Variants in FBF1 observed in about 807,000 individuals in gnomAD.
The protein encoded by FBF1 is Fas binding factor 1.
In FBF1, 119 loss-of-function variants were observed where a neutral mutation model predicts 147.2. The observed-to-expected ratio is 0.81, with a 90% CI of 0.70 to 0.94. The LOEUF is 0.94. Among genes scored for constraint, FBF1 ranks in the 40% least tolerant of loss-of-function variants. The pLI, the probability that FBF1 is intolerant of heterozygous loss-of-function variation, is 0.00. For synonymous variants in FBF1, 601 were observed against 609.0 expected, an observed-to-expected ratio of 0.99 and a Z score of 0.19; for missense variants, 1,449 against 1,500.8, an observed-to-expected ratio of 0.97 and a Z score of 0.57.
Position 75,910,673 on chromosome 17 carries a change from G to A in FBF1, c.*50C>T, listed in dbSNP as rs540147243. On this transcript the variant is annotated 3_prime_UTR_variant, in exon 30 of 30. Transcript: ENST00000636174. This position sits in a 1 kb window ranked among gnomAD's most constrained non-coding sequence, Gnocchi z 4.1. ...TCCATGGAGGCAGCCGGAGGAACAG[G>A]ACAGTTCTGGGGTCCGAACCCTCTG... 8.2e-5 allele frequency: 126 copies of A among 1,530,666 alleles called. No individual in the cohort carries two copies. In the African/African-American group the frequency reaches 1.6e-3, roughly 19 times the overall value. The allele number at this position is 1,530,666 out of a possible 1,614,324, so 94.8% of individuals were successfully genotyped here. A position where few individuals can be genotyped will look rare whatever the true frequency, so the allele number is the denominator to read the frequency against.
chr17:75,927,316 C>A (rs187562959), intron 9 of FBF1, 139 bp downstream of exon 9: 2 of 689,364 alleles, frequency 2.9e-6, no homozygotes, highest in Non-Finnish European at 5.0e-6. Context: ...TAGCTGGTCC[C>A]GACATGAATT....
chr17:75,940,316 C>A (rs2065655078), intron 1 of FBF1, among the ~76,000 whole-genome samples: 1 of 151,654 alleles, frequency 6.6e-6, no homozygotes, highest in South Asian at 2.1e-4. Context: ...GATCACAGCT[C>A]TCATAGCTTA....
chr17:75,926,358 C>A lies in FBF1; in HGVS notation c.664G>T (p.Gly222Trp). The part of the protein sequence containing the change: ...RKKEELLFDD[G>W]DDIMATLGFG... ...CCCAAGGTGGCCATGATGTCATCCC[C>A]ATCATCAAACAACAATTCTTCTTTT... is the stretch of plus-strand genomic sequence containing the variant. Residue 222 changes from glycine to tryptophan, a missense_variant, in exon 11 of 30, where the codon GGG becomes TGG. Physicochemically the swap from Gly to Trp is radical, Grantham distance 184. Transcript: ENST00000636174. The A allele has an allele frequency of 6.2e-7, 1 of 1,611,386 alleles. No homozygotes were observed. The highest frequency in any genetic ancestry group is 2.2e-5 in the East Asian group (1 of 44,858).
chr17:75,923,306 T>C lies in FBF1; in HGVS notation c.1304A>G (p.Glu435Gly), dbSNP rs974467947. Residue 435 changes from glutamate (E) to glycine (G), a missense_variant, in exon 14 of 30, where the codon GAG (glutamate) becomes GGG (glycine). Physicochemically the swap from Glu to Gly is moderately conservative, Grantham distance 98 (BLOSUM62 -2). Transcript: ENST00000636174. The surrounding 1 kb of genome is among the most constrained non-coding windows in gnomAD (Gnocchi z 4.1). ...SKLRASKEEK[E>G]DWLSHALSRK... is the part of the protein sequence containing the mutation. The stretch of plus-strand genomic sequence containing the variant: ...AGACAGGGCATGGCTCAGCCAGTCC[T>C]CTTTCTCCTCCTTGGAGGCTCGCAG... The C allele has an allele frequency of 6.3e-7, 1 of 1,595,088 alleles. No individual in the cohort carries two copies. Among genetic ancestry groups the C allele is most frequent in the African/African-American group, 1.3e-5 (1 of 74,758 alleles).
At chr17:75,929,967 T>G in intron 7 of FBF1, 30 bp downstream of exon 7, 1 of 223,158 alleles carries the variant, frequency 4.5e-6, no homozygotes, top group Non-Finnish European at 8.5e-6. Context: ...CCACCCCCAG[T>G]TCTAAGAATC....
rs1254497910 is a variant in FBF1 at position 75,919,625 on chromosome 17, T to C, written c.2138+43A>G. The C allele has an allele frequency of 1.9e-6, 3 of 1,553,150 alleles. No homozygotes were observed. The highest frequency in any genetic ancestry group is 8.7e-7 in the Non-Finnish European group (1 of 1,151,376). On this transcript the variant is annotated intron_variant, in intron 20 of 29. Coordinates refer to ENST00000636174, the MANE Select transcript of FBF1 (RefSeq NM_001319193.2). The surrounding 1 kb of genome is among the most constrained non-coding windows in gnomAD (Gnocchi z 5.0). The stretch of plus-strand genomic sequence containing the variant: ...GTGGGGATGGCTCTCTTCCGGCTAC[T>C]CCTTGCAAGCCTGCTCCCCAGCTGC...
Position 75,925,580 on chromosome 17 carries a change from A to C in FBF1, c.869-134T>G. ...AGCAGAGGGAAGCTGCTGTGAAGGG[A>C]GCACCTCAGGCACTGGCCAGGAAGA... On this transcript the variant is annotated intron_variant, in intron 12 of 29. Transcript: ENST00000636174. The surrounding 1 kb of genome is among the most constrained non-coding windows in gnomAD (Gnocchi z 5.0). 1 of 759,602 alleles carries C rather than the reference A, an allele frequency of 1.3e-6. No individual in the cohort carries two copies. Among genetic ancestry groups the C allele is most frequent in the Non-Finnish European group, 2.1e-6 (1 of 465,578 alleles). 47.1% of individuals were successfully genotyped at this position (759,602 alleles called of 1,614,324 possible).
chr17:75,927,379 CG>C, intron 9 of FBF1, 75 bp downstream of exon 9: 2 of 1,312,224 alleles, frequency 1.5e-6, no homozygotes, highest in Middle Eastern at 3.7e-4. Flanking sequence ...AGCTGGGCCT[CG>C]GGCCAGCAAG....
In FBF1 at chr17:75,922,093, C is replaced by A; in HGVS notation, c.1425-47G>T. On this transcript the variant is annotated intron_variant, in intron 14 of 29. Coordinates refer to ENST00000636174, the MANE Select transcript of FBF1 (RefSeq NM_001319193.2). This position sits in a 1 kb window ranked among gnomAD's most constrained non-coding sequence, Gnocchi z 5.0. ...GGTGAAGGTGACAGAAGGCCCAGGT[C>A]AGGCTGGATGAAGACAGGGCCCAGG... 6.6e-7 allele frequency: 1 copy of A among 1,510,696 alleles called. No homozygotes were observed. The highest frequency in any genetic ancestry group is 1.2e-5 in the South Asian group (1 of 82,922). 93.6% of individuals were successfully genotyped at this position (1,510,696 alleles called of 1,614,324 possible). A position where few individuals can be genotyped will look rare whatever the true frequency, so the allele number is the denominator to read the frequency against.
intron 1 of FBF1, 49 bp from the exon 2 acceptor site, chr17:75,938,281 TG>T: frequency 7.4e-7 from 1 of 1,358,570 alleles, no homozygotes. Flanking sequence ...TAGCTTTGGC[TG>T]GGCGCCATGG....
chr17:75,922,132 G>T lies in FBF1; in HGVS notation c.1425-86C>A, dbSNP rs1229083670. ...ACAGGGCCCAGGACGGGCTTCACAC[G>T]TGAAGCTCGTGGCCCCCCTTCCTCC... On this transcript the variant is annotated intron_variant, in intron 14 of 29. Coordinates refer to ENST00000636174, the MANE Select transcript of FBF1 (RefSeq NM_001319193.2). The surrounding 1 kb of genome is among the most constrained non-coding windows in gnomAD (Gnocchi z 5.0). The T allele has an allele frequency of 1.8e-6, 2 of 1,127,228 alleles. No individual in the cohort carries two copies. Among genetic ancestry groups the T allele is most frequent in the African/African-American group, 1.6e-5 (1 of 64,488 alleles). The allele number at this position is 1,127,228 out of a possible 1,614,324, so 69.8% of individuals were successfully genotyped here.
In FBF1 at chr17:75,926,861, C is replaced by A; in HGVS notation, c.492G>T (p.Leu164Phe). The part of the protein sequence containing the change: ...RFSSEDLEDP[L>F]RGLLSYDEGG... ...CTTCATCATAGGAGAGAAGTCCTCT[C>A]AATGGGTCTTCCAAGTCTCACAGCA... is the stretch of plus-strand genomic sequence containing the variant. Residue 164 changes from leucine (L) to phenylalanine (F), a missense_variant, in exon 10 of 30, where the codon TTG becomes TTT. Leu to Phe is a conservative substitution (Grantham distance 22, BLOSUM62 0). Coordinates refer to ENST00000636174, the MANE Select transcript of FBF1 (RefSeq NM_001319193.2). The A allele has an allele frequency of 6.2e-7, 1 of 1,612,322 alleles. No individual in the cohort carries two copies. Among genetic ancestry groups the A allele is most frequent in the Non-Finnish European group, 8.5e-7 (1 of 1,179,212 alleles).
At position 75,913,697 on chromosome 17, in the gene FBF1, C is replaced by T; in HGVS notation, c.3247+5G>A. 6.3e-7 allele frequency: 1 copy of T among 1,587,680 alleles called. No homozygotes were observed. Among genetic ancestry groups the T allele is most frequent in the Non-Finnish European group, 8.5e-7 (1 of 1,174,730 alleles). Reference sequence around the variant, plus strand: ...CCGCCGGCCCTTCCTTCTGGAGCCACTCACCACTCTGGCTGGAGGCTGCAG... The same window carrying T: ...CCGCCGGCCCTTCCTTCTGGAGCCATTCACCACTCTGGCTGGAGGCTGCAG... On this transcript the variant is annotated splice_donor_5th_base_variant and intron_variant, in intron 28 of 29. Transcript: ENST00000636174.
Position 75,931,222 on chromosome 17 carries a change from G to A in FBF1, c.228+7C>T, listed in dbSNP as rs1416766596. On this transcript the variant is annotated splice_region_variant and intron_variant, in intron 6 of 29. Transcript: ENST00000636174. ...GTAGGGAGGTGGAGGGAAACAGCCA[G>A]GCTCACCTCAGCATCAGCTTCTTCC... 1 of 1,570,348 alleles carries A rather than the reference G, an allele frequency of 6.4e-7. No individual in the cohort carries two copies. Among genetic ancestry groups the A allele is most frequent in the Admixed American group, 1.9e-5 (1 of 53,384 alleles).
At position 75,917,229 on chromosome 17, in the gene FBF1, G is replaced by T. The variant is rs539013002; in HGVS notation, c.2505+503C>A. On this transcript the variant is annotated intron_variant, in intron 23 of 29. Transcript: ENST00000636174. ...TCCTGCTGCCTCAGCCCCCCAAGTA[G>T]CTGGGATTATAGGCACAGGCCACTG... Among the ~76,000 whole-genome samples the T allele has an allele frequency of 2.6e-5, 4 of 152,340 alleles. No homozygotes were observed. In the East Asian group the frequency reaches 7.7e-4, roughly 29 times the overall value.
At chr17:75,921,345 A>C in intron 16 of FBF1, 43 bp from the exon 17 acceptor site, 1 of 1,556,948 alleles carries the variant, frequency 6.4e-7, no homozygotes, top group Non-Finnish European at 8.7e-7. Context: ...GGCCCAGGGC[A>C]CTGGGCCTGC....
chr17:75,918,146 G>C lies in FBF1; in HGVS notation c.2246+16C>G. ...CCCCCAACGTCAGGCGGGCATGGTT[G>C]GGGCAGCGCACATACCGCGTGTGGG... On this transcript the variant is annotated intron_variant, in intron 21 of 29. Transcript: ENST00000636174. The surrounding 1 kb of genome is among the most constrained non-coding windows in gnomAD (Gnocchi z 5.8). The C allele has an allele frequency of 6.2e-7, 1 of 1,612,308 alleles. No homozygotes were observed. Among genetic ancestry groups the C allele is most frequent in the Non-Finnish European group, 8.5e-7 (1 of 1,179,086 alleles).
chr17:75,914,602 T>G, intron 25 of FBF1, 145 bp downstream of exon 25: 1 of 877,060 alleles, frequency 1.1e-6, no homozygotes, highest in Admixed American at 3.0e-5. Flanking sequence ...GATGTTAGCA[T>G]GATGATGCGA....
rs528150170 is a variant in FBF1, at chr17:75,925,118, G to A, written c.968+229C>T. Among the ~76,000 whole-genome samples, 4 of 152,328 alleles carry A rather than the reference G, an allele frequency of 2.6e-5. No homozygotes were observed. Among genetic ancestry groups the A allele is most frequent in the Admixed American group, 2.0e-4 (3 of 15,292 alleles). ...GGCTGGGTGGGGCACTGGCGAACCT[G>A]AGCAGCGTCTGGGATGGGGGTTCCC... On this transcript the variant is annotated intron_variant, in intron 13 of 29. Coordinates refer to ENST00000636174, the MANE Select transcript of FBF1 (RefSeq NM_001319193.2). This position sits in a 1 kb window ranked among gnomAD's most constrained non-coding sequence, Gnocchi z 5.0.
Sources: gnomAD v4.1 joint callset for allele counts (sites outside exome capture counted in the v4.1 genomes callset) on GRCh38, gnomAD v4.1.1 for gene constraint, Gnocchi (gnomAD v3.1) non-coding constraint, MANE v1.5 for transcripts, NCBI Gene and HGNC (gene_info 2026-07-23, HGNC 2026-07-21) for gene names.